GDAP2: variants seen among roughly 807,000 people sequenced by gnomAD.
GDAP2 encodes ganglioside-induced differentiation-associated protein 2.
GDAP2 carries 51 observed loss-of-function variants against 67.0 expected under a neutral mutation model. The observed-to-expected ratio is 0.76, with a 90% CI of 0.61 to 0.96. The LOEUF (loss-of-function observed/expected upper bound fraction) is 0.96, where lower values mean the gene tolerates loss of function less well. GDAP2 is among the 40% of genes least tolerant of loss of function. The probability of loss-of-function intolerance (pLI) is 0.00; values close to 1 mark genes in which losing one functional copy is unlikely to be tolerated. For missense variants in GDAP2, 547 were observed against 588.3 expected, an observed-to-expected ratio of 0.93 and a Z score of 0.73; for synonymous variants, 203 against 207.3, an observed-to-expected ratio of 0.98 and a Z score of 0.18.
chr1:117,884,695 G>C (rs1448706324), intron 10 of GDAP2, among the ~76,000 whole-genome samples: 1 of 151,954 alleles, frequency 6.6e-6, no homozygotes, highest in African/African-American at 2.4e-5. Flanking sequence ...AAAGATTTAT[G>C]GTTTTATTTG....
At chr1:117,883,360 T>C (rs901907146) in intron 11 of GDAP2, 128 bp downstream of exon 11, 31 of 662,752 alleles carry the variant, frequency 4.7e-5, no homozygotes, top group South Asian at 1.6e-4. Flanking sequence ...AAGTATCTAA[T>C]CTAGGTATGA....
chr1:117,922,061 T>G (rs1039692812), intron 1 of GDAP2, among the ~76,000 whole-genome samples: 4 of 152,196 alleles, frequency 2.6e-5, no homozygotes, highest in Non-Finnish European at 5.9e-5. Context: ...TTCTTATGTC[T>G]TTTTGGGTGT....
At chr1:117,912,799 T>C (rs1649907204) in intron 3 of GDAP2, 116 bp from the exon 4 acceptor site, 2 of 847,758 alleles carry the variant, frequency 2.4e-6, no homozygotes, top group Non-Finnish European at 3.8e-6. Flanking sequence ...CAGTTAAAAA[T>C]ACAGACTGAA....
At chr1:117,904,731 C>T (rs375358643) in intron 6 of GDAP2, among the ~76,000 whole-genome samples, 20 of 152,184 alleles carry the variant, frequency 1.3e-4, no homozygotes, top group South Asian at 1.0e-3. Context: ...AGCATTAGTC[C>T]GCCAACTCCC....
chr1:117,910,353 G>C (rs1395899538), intron 5 of GDAP2, among the ~76,000 whole-genome samples: 1 of 151,926 alleles, frequency 6.6e-6, no homozygotes, highest in Non-Finnish European at 1.5e-5. Context: ...TATATTTCTT[G>C]AGCAAGTACC....
At chr1:117,906,477 T>C in intron 6 of GDAP2, 29 bp downstream of exon 6, 1 of 1,173,048 alleles carries the variant, frequency 8.5e-7, no homozygotes, top group East Asian at 2.3e-5. Flanking sequence ...AGAAATAAGA[T>C]TTAAATAACG....
intron 9 of GDAP2, 40 bp downstream of exon 9, chr1:117,887,658 T>C: frequency 1.0e-6 from 1 of 959,198 alleles, no homozygotes; most frequent in African/African-American, 1.6e-5. Context: ...GTAGGGCTCT[T>C]AATTAGTGAA....
intron 7 of GDAP2, among the ~76,000 whole-genome samples, chr1:117,897,610 CTG>C (rs914205291): frequency 6.6e-6 from 1 of 152,240 alleles, no homozygotes; most frequent in South Asian, 2.1e-4. Flanking sequence ...CATACAAACA[CTG>C]TGAGTTGGAT....
intron 2 of GDAP2, 149 bp from the exon 3 acceptor site, chr1:117,918,885 T>A: frequency 1.5e-6 from 1 of 665,836 alleles, no homozygotes; most frequent in Non-Finnish European, 2.5e-6. Context: ...AAGAAATTTC[T>A]GACTTAAAAA....
intron 13 of GDAP2, among the ~76,000 whole-genome samples, chr1:117,875,399 T>C (rs964486119): frequency 6.6e-6 from 1 of 152,212 alleles, no homozygotes; most frequent in African/African-American, 2.4e-5. Context: ...GCATGCAGCA[T>C]GCAAGAGTGG....
At chr1:117,913,163 T>C (rs1364598698) in intron 3 of GDAP2, among the ~76,000 whole-genome samples, 1 of 152,208 alleles carries the variant, frequency 6.6e-6, no homozygotes, top group Non-Finnish European at 1.5e-5. Context: ...ATACTAGTAG[T>C]ACTTACTTCA....
At position 117,867,571 on chromosome 1, in the gene GDAP2, A is replaced by C. The variant is rs1486907204; in HGVS notation, c.*2998T>G. The C allele has an allele frequency of 6.5e-6, 1 of 154,964 alleles. No homozygotes were observed. The highest frequency in any genetic ancestry group is 1.9e-4 in the East Asian group (1 of 5,318). The allele number at this position is 154,964 out of a possible 1,614,324, so 9.6% of individuals were successfully genotyped here. On this transcript the variant is annotated 3_prime_UTR_variant, in exon 14 of 14. Coordinates refer to ENST00000369443, the MANE Select transcript of GDAP2 (RefSeq NM_017686.4). ...AAAAAAATTAGCCAGGCATGGTGGC[A>C]GGCACCTGTAGTCCCAGCTACTAGG... is the stretch of plus-strand genomic sequence containing the variant.
chr1:117,881,011 A>C (rs1242945584), intron 12 of GDAP2, among the ~76,000 whole-genome samples: 1 of 152,162 alleles, frequency 6.6e-6, no homozygotes, highest in Non-Finnish European at 1.5e-5. Context: ...GCTAGCAAGT[A>C]GGTTTGGAGT....
intron 1 of GDAP2, among the ~76,000 whole-genome samples, chr1:117,921,326 G>A (rs1407135633): frequency 2.0e-5 from 3 of 152,174 alleles, no homozygotes. Context: ...GCAAGTCCCT[G>A]CCCTTCAGGA....
chr1:117,912,481 C>T (rs546117796), intron 4 of GDAP2, 49 bp downstream of exon 4: 6 of 1,483,132 alleles, frequency 4.0e-6, no homozygotes, highest in East Asian at 2.3e-5. Flanking sequence ...AAAACTGGGG[C>T]CTTTAACAAT....
chr1:117,874,414 G>A (rs77381449), intron 13 of GDAP2, among the ~76,000 whole-genome samples: 1,735 of 152,186 alleles, frequency 0.011, 33 homozygotes, highest in African/African-American at 0.04. Context: ...CTTACCCTTC[G>A]ACCATGAGTA....
At chr1:117,876,241 A>G (rs1167279385) in intron 13 of GDAP2, among the ~76,000 whole-genome samples, 1 of 151,940 alleles carries the variant, frequency 6.6e-6, no homozygotes, top group African/African-American at 2.4e-5. Context: ...TTCCTGTGAA[A>G]GCTGGTTGTT....
intron 10 of GDAP2, among the ~76,000 whole-genome samples, chr1:117,885,575 T>C (rs183530833): frequency 1.3e-5 from 2 of 152,286 alleles, no homozygotes; most frequent in East Asian, 3.9e-4. Flanking sequence ...CTGTGAGGAA[T>C]TTAAGTTTTA....
rs544145638 is a variant in GDAP2, at chr1:117,894,949, C to G, written c.953+1884G>C. ...GGTGATACTATACAATCGATACTAA[C>G]AAATATAATTTTTTGATACTGTGTA... On this transcript the variant is annotated intron_variant, in intron 8 of 13. Transcript: ENST00000369443. 5.9e-5 allele frequency among the ~76,000 whole-genome samples: 9 copies of G among 152,184 alleles called. No homozygotes were observed. In the South Asian group the frequency reaches 1.9e-3, roughly 32 times the overall value.
Sources: gnomAD v4.1 joint callset for allele counts (sites outside exome capture counted in the v4.1 genomes callset) on GRCh38, gnomAD v4.1.1 for gene constraint, MANE v1.5 for transcripts, NCBI Gene and HGNC (gene_info 2026-07-23, HGNC 2026-07-21) for gene names.